Variants in CBLN2 observed in about 807,000 individuals in gnomAD.
CBLN2 encodes cerebellin 2 precursor.
In CBLN2, 7 loss-of-function variants were observed where a neutral mutation model predicts 15.0. The ratio of observed to expected loss-of-function variants is 0.47; its 90% CI spans 0.27 to 0.88. The LOEUF is 0.88. Among genes scored for constraint, CBLN2 ranks in the 40% least tolerant of loss-of-function variants. The probability of loss-of-function intolerance (pLI) is 0.14; values close to 1 mark genes in which losing one functional copy is unlikely to be tolerated. For synonymous variants in CBLN2, 149 were observed against 135.2 expected, an observed-to-expected ratio of 1.10 and a Z score of -0.71; for missense variants, 242 against 304.5, an observed-to-expected ratio of 0.79 and a Z score of 1.53.
upstream of CBLN2, among the ~76,000 whole-genome samples, chr18:72,546,128 T>C (rs2069156091): frequency 6.6e-6 from 1 of 152,196 alleles, no homozygotes; most frequent in South Asian, 2.1e-4. Context: ...GATTAATTAG[T>C]TGTTTCACAT....
At chr18:72,551,569 A>G (rs547568052) in intron 1 of CBLN2, among the ~76,000 whole-genome samples, 3 of 152,292 alleles carry the variant, frequency 2.0e-5, no homozygotes, top group African/African-American at 7.2e-5. Context: ...CTCCTTGAAC[A>G]CACCCCATCA....
chr18:72,630,702 C>T lies in CBLN2; in HGVS notation c.15+7623G>A, dbSNP rs1010748365. On this transcript the variant is annotated intron_variant, in intron 1 of 2. Transcript: ENST00000581073. ...AACATGAAACCTCTTGATTTGTAGT[C>T]CAGTGTCCTTTCATAGGTACTAACT... Among the ~76,000 whole-genome samples, 3 of 152,002 alleles carry T rather than the reference C, an allele frequency of 2.0e-5. No individual in the cohort carries two copies. In the South Asian group the frequency reaches 6.2e-4, roughly 32 times the overall value.
chr18:72,551,557 C>A (rs1334101671), intron 1 of CBLN2, among the ~76,000 whole-genome samples: 1 of 152,140 alleles, frequency 6.6e-6, no homozygotes, highest in Non-Finnish European at 1.5e-5. Context: ...ACCATCCTTG[C>A]GCTCCTTGAA....
intron 1 of CBLN2, among the ~76,000 whole-genome samples, chr18:72,589,733 T>C: frequency 6.6e-6 from 1 of 152,196 alleles, no homozygotes; most frequent in Non-Finnish European, 1.5e-5. Flanking sequence ...TTGGAAACCA[T>C]GTCTGAGAAA....
rs2069135493 is a variant in CBLN2, at chr18:72,543,665, G to A, written c.-211-135C>T. ...CGCGCCAGCCTGCGCCGCTTCAGGG[G>A]TGCACCACGCCCCGCGCGCCCGCTT... On this transcript the variant is annotated intron_variant, in intron 1 of 4. Coordinates refer to ENST00000269503, the MANE Select transcript of CBLN2 (RefSeq NM_182511.4). This position sits in a 1 kb window ranked among gnomAD's most constrained non-coding sequence, Gnocchi z 6.8. 7 of 370,440 alleles carry A rather than the reference G, an allele frequency of 1.9e-5. No homozygotes were observed. The highest frequency in any genetic ancestry group is 4.6e-5 in the Admixed American group (1 of 21,752). The allele number at this position is 370,440 out of a possible 1,614,324, so 22.9% of individuals were successfully genotyped here.
At chr18:72,625,373 C>T (rs958534407) in intron 1 of CBLN2, 32 of 152,108 alleles carry the variant, frequency 2.1e-4, no homozygotes, top group African/African-American at 6.3e-4. Context: ...TCCTCCCCAT[C>T]TCTCTAAATT....
chr18:72,623,017 G>GCAT (rs1224268887), intron 1 of CBLN2, among the ~76,000 whole-genome samples: 1 of 152,138 alleles, frequency 6.6e-6, no homozygotes, highest in Non-Finnish European at 1.5e-5. Flanking sequence ...GACTGTACAG[G>GCAT]CATGGCTGGG....
chr18:72,635,816 C>G (rs1261826463), intron 1 of CBLN2, among the ~76,000 whole-genome samples: 1 of 151,980 alleles, frequency 6.6e-6, no homozygotes, highest in African/African-American at 2.4e-5. Flanking sequence ...ATACTTAATT[C>G]CATCATATTG....
intron 2 of CBLN2, among the ~76,000 whole-genome samples, chr18:72,542,592 A>T (rs1440018824): frequency 6.6e-6 from 1 of 152,038 alleles, no homozygotes; most frequent in East Asian, 1.9e-4. Context: ...CCTCGTCGCT[A>T]AGACGGGCCC....
intron 1 of CBLN2, among the ~76,000 whole-genome samples, chr18:72,628,384 G>A (rs746467282): frequency 1.3e-5 from 2 of 152,216 alleles, no homozygotes; most frequent in Non-Finnish European, 2.9e-5. Context: ...GTGTGGGAAG[G>A]ATGGGAAGGA....
chr18:72,544,870 ACAAT>A (rs1211846706), upstream of CBLN2, among the ~76,000 whole-genome samples: 1 of 152,004 alleles, frequency 6.6e-6, no homozygotes, highest in African/African-American at 2.4e-5. Flanking sequence ...GGTCTAAAAA[ACAAT>A]CAATATTTAA....
intron 1 of CBLN2, among the ~76,000 whole-genome samples, chr18:72,619,443 C>T (rs1341887267): frequency 2.6e-5 from 4 of 152,106 alleles, no homozygotes; most frequent in Admixed American, 6.6e-5. Context: ...GTTTCTGTTC[C>T]GTGGAAAGTA....
chr18:72,593,540 T>C lies in CBLN2; in HGVS notation c.15+44785A>G, dbSNP rs116634968. Among the ~76,000 whole-genome samples, 716 of 152,278 alleles carry C rather than the reference T, an allele frequency of 4.7e-3. 5 individuals are homozygous for C. The highest frequency in any genetic ancestry group is 0.017 in the African/African-American group (689 of 41,554). On this transcript the variant is annotated intron_variant, in intron 1 of 2. Transcript: ENST00000581073. Reference sequence around the variant, plus strand: ...TGATTGCTGTAGGTGGGACTACCAGTCAGTGTTGAATAACAGTGATAAAAC... The same window carrying C: ...TGATTGCTGTAGGTGGGACTACCAGCCAGTGTTGAATAACAGTGATAAAAC...
At chr18:72,563,119 C>G (rs537569661) in intron 1 of CBLN2, among the ~76,000 whole-genome samples, 1 of 152,096 alleles carries the variant, frequency 6.6e-6, no homozygotes, top group East Asian at 1.9e-4. Flanking sequence ...CAAAGACACA[C>G]CTATAGAAAA....
chr18:72,619,361 G>C (rs1336481038), intron 1 of CBLN2: 1 of 517,078 alleles, frequency 1.9e-6, no homozygotes, highest in East Asian at 5.1e-5. Context: ...CCATGTTTTT[G>C]ACAAATACTC....
chr18:72,570,282 G>GTT (rs34368162), intron 1 of CBLN2, among the ~76,000 whole-genome samples: 4 of 133,760 alleles, frequency 3.0e-5, no homozygotes, highest in African/African-American at 1.1e-4. Context: ...TTTCTTTCTG[G>GTT]TTTTTTTTTT....
At chr18:72,619,226 A>G in intron 1 of CBLN2, 1 of 920,352 alleles carries the variant, frequency 1.1e-6, no homozygotes, top group South Asian at 1.3e-5. Flanking sequence ...GATTTTAATT[A>G]CAGTCAGGAA....
chr18:72,627,588 A>C (rs1179378353), intron 1 of CBLN2, among the ~76,000 whole-genome samples: 2 of 152,206 alleles, frequency 1.3e-5, no homozygotes, highest in Non-Finnish European at 2.9e-5. Flanking sequence ...ATTATTTGTA[A>C]CAATCATCTG....
rs372458859 is a variant in CBLN2, at chr18:72,583,167, G to A, written c.16-44395C>T. Among the ~76,000 whole-genome samples the A allele has an allele frequency of 9.2e-5, 14 of 152,294 alleles. No individual in the cohort carries two copies. In the East Asian group the frequency reaches 2.5e-3, roughly 27 times the overall value. On this transcript the variant is annotated intron_variant, in intron 1 of 2. Transcript: ENST00000581073. The stretch of plus-strand genomic sequence containing the variant: ...TCAGATTAAGACTCCCAGGTTGCCT[G>A]GCAGGCAAGTTTCTCCTTAAACCAC...
Sources: allele counts gnomAD v4.1 joint callset (sites outside exome capture counted in the v4.1 genomes callset), GRCh38; gene constraint gnomAD v4.1.1; non-coding constraint Gnocchi (gnomAD v3.1); transcripts MANE v1.5; gene names NCBI Gene and HGNC (gene_info 2026-07-23, HGNC 2026-07-21).